The following XPNPEP3 variants were observed in gnomAD, a reference collection of about 807,000 sequenced individuals.
XPNPEP3 encodes the protein X-prolyl aminopeptidase 3.
A neutral mutation model predicts 60.0 loss-of-function variants in XPNPEP3; 41 were observed. The observed-to-expected ratio is 0.68, with a 90% CI of 0.53 to 0.89. The LOEUF is 0.89. XPNPEP3 is among the 40% of genes least tolerant of loss of function. The pLI, the probability that XPNPEP3 is intolerant of heterozygous loss-of-function variation, is 0.00. For missense variants in XPNPEP3, 598 were observed against 638.9 expected (o/e 0.94, Z 0.69); for synonymous variants, 212 against 223.2 (o/e 0.95, Z 0.45).
chr22:40,864,297 G>C (rs2057966649), intron 1 of XPNPEP3, among the ~76,000 whole-genome samples: 3 of 152,158 alleles, frequency 2.0e-5, no homozygotes, highest in Admixed American at 2.0e-4. Context: ...AGAGGTTACT[G>C]TCATTGCCAT....
At chr22:40,882,265 T>C in intron 3 of XPNPEP3, 88 bp downstream of exon 3, 1 of 1,412,094 alleles carries the variant, frequency 7.1e-7, no homozygotes, top group Non-Finnish European at 9.9e-7. Context: ...AATTTTGTTA[T>C]CGTAGCACCA....
intron 6 of XPNPEP3, among the ~76,000 whole-genome samples, chr22:40,911,799 C>G (rs1175594541): frequency 6.6e-6 from 1 of 152,172 alleles, no homozygotes; most frequent in African/African-American, 2.4e-5. Context: ...CTTGGCCTCC[C>G]AAAGCGCTGG....
chr22:40,900,596 ACT>A (rs1569026247), intron 4 of XPNPEP3, among the ~76,000 whole-genome samples: 1 of 151,886 alleles, frequency 6.6e-6, no homozygotes. Context: ...ACAGAGCAAG[ACT>A]CTGTCTCAAA....
intron 4 of XPNPEP3, among the ~76,000 whole-genome samples, chr22:40,895,154 T>A (rs2058102838): frequency 6.6e-6 from 1 of 152,126 alleles, no homozygotes; most frequent in African/African-American, 2.4e-5. Context: ...GGCAAATAAT[T>A]GAAAGGAGGG....
intron 4 of XPNPEP3, among the ~76,000 whole-genome samples, chr22:40,890,697 T>A (rs1181636716): frequency 2.0e-5 from 3 of 151,986 alleles, no homozygotes; most frequent in African/African-American, 7.3e-5. Context: ...TGAAACCCTG[T>A]CTCTGCAAAA....
intron 1 of XPNPEP3, chr22:40,862,137 C>G (rs2057953979): frequency 6.9e-7 from 1 of 1,459,440 alleles, no homozygotes; most frequent in Non-Finnish European, 9.0e-7. Context: ...TTACCATGTG[C>G]TAAGAGATGA....
At chr22:40,895,748 T>G (rs2058105351) in intron 4 of XPNPEP3, among the ~76,000 whole-genome samples, 1 of 152,196 alleles carries the variant, frequency 6.6e-6, no homozygotes, top group African/African-American at 2.4e-5. Context: ...CTACACAGAC[T>G]TCTAACCAGA....
intron 1 of XPNPEP3, among the ~76,000 whole-genome samples, chr22:40,868,428 CGT>C (rs35513572): frequency 0.015 from 2,096 of 143,804 alleles, 21 homozygotes; most frequent in African/African-American, 0.036. Context: ...TATATGTGTG[CGT>C]GTGTGTGTGT....
intron 7 of XPNPEP3, chr22:40,917,007 G>A (rs895896855): frequency 5.9e-5 from 9 of 152,126 alleles, no homozygotes; most frequent in African/African-American, 2.2e-4. Flanking sequence ...GAGCCCAGGA[G>A]ACAGAGGTTG....
chr22:40,921,067 C>T (rs1332392820), intron 7 of XPNPEP3, among the ~76,000 whole-genome samples: 2 of 152,320 alleles, frequency 1.3e-5, no homozygotes, highest in South Asian at 2.1e-4. Context: ...GTTGGGATTA[C>T]AGGCGTGAGC....
chr22:40,920,519 C>T (rs1365317072), intron 7 of XPNPEP3, among the ~76,000 whole-genome samples: 1 of 152,086 alleles, frequency 6.6e-6, no homozygotes, highest in Non-Finnish European at 1.5e-5. Flanking sequence ...ATTCCTTCTC[C>T]AGTATACCAA....
chr22:40,916,992 T>A (rs2058198417), intron 7 of XPNPEP3: 1 of 151,936 alleles, frequency 6.6e-6, no homozygotes, highest in South Asian at 2.1e-4. Context: ...GTGGGAGAAT[T>A]GCTTGAGCCC....
rs555872800 is a variant in XPNPEP3, at chr22:40,926,676, G to T, written c.*241G>T. 1.5e-5 allele frequency: 8 copies of T among 547,256 alleles called. No homozygotes were observed. The highest frequency in any genetic ancestry group is 1.4e-4 in the South Asian group (7 of 49,530). The allele number at this position is 547,256 out of a possible 1,614,324, so 33.9% of individuals were successfully genotyped here. ...CAGCTTTGGTAACATTAATTCTATA[G>T]AATTAATGATCAGAGCAAGTTTAAT... On this transcript the variant is annotated 3_prime_UTR_variant, in exon 10 of 10. Coordinates refer to ENST00000357137, the MANE Select transcript of XPNPEP3 (RefSeq NM_022098.4).
At chr22:40,909,385 T>C in intron 6 of XPNPEP3, 150 bp downstream of exon 6, 1 of 706,400 alleles carries the variant, frequency 1.4e-6, no homozygotes, top group South Asian at 1.6e-5. Context: ...TTACAGACAT[T>C]ATCTCATTTT....
At chr22:40,912,322 C>T (rs2058180053) in intron 6 of XPNPEP3, among the ~76,000 whole-genome samples, 1 of 152,124 alleles carries the variant, frequency 6.6e-6, no homozygotes, top group Admixed American at 6.6e-5. Flanking sequence ...ATAGGATATA[C>T]ATATCTGCAA....
At chr22:40,914,346 G>C in intron 7 of XPNPEP3, 22 bp downstream of exon 7, 1 of 1,585,798 alleles carries the variant, frequency 6.3e-7, no homozygotes, top group South Asian at 1.1e-5. Flanking sequence ...ACAGAGTAAC[G>C]TATCCCACTG....
At chr22:40,909,366 A>G (rs1569029330) in intron 6 of XPNPEP3, 131 bp downstream of exon 6, 1 of 778,732 alleles carries the variant, frequency 1.3e-6, no homozygotes, top group Non-Finnish European at 2.2e-6. Context: ...TATTGCTTAT[A>G]AAATGGTTTT....
At chr22:40,908,071 G>A (rs1032317173) in intron 5 of XPNPEP3, among the ~76,000 whole-genome samples, 2 of 151,934 alleles carry the variant, frequency 1.3e-5, no homozygotes, top group Non-Finnish European at 2.9e-5. Flanking sequence ...AAAATTAGCT[G>A]AGTGTGGTAA....
At chr22:40,900,797 G>T (rs2058129122) in intron 4 of XPNPEP3, among the ~76,000 whole-genome samples, 1 of 151,642 alleles carries the variant, frequency 6.6e-6, no homozygotes, top group East Asian at 1.9e-4. Context: ...GCTGGGTGTG[G>T]TGGCATGTTC....
Sources: gnomAD v4.1 joint callset for allele counts (sites outside exome capture counted in the v4.1 genomes callset) on GRCh38, gnomAD v4.1.1 for gene constraint, MANE v1.5 for transcripts, NCBI Gene and HGNC (gene_info 2026-07-23, HGNC 2026-07-21) for gene names.